The following CXCL9 variants were observed in gnomAD, a reference collection of about 807,000 sequenced individuals.
CXCL9 encodes C-X-C motif chemokine ligand 9.
Under a neutral mutation model 11.7 loss-of-function variants are expected in CXCL9, and 8 were observed. That is an observed-to-expected ratio of 0.68 (90% CI 0.40 to 1.23). The LOEUF is 1.23. CXCL9 is among the 50% of genes most tolerant of loss of function. The pLI, the probability that CXCL9 is intolerant of heterozygous loss-of-function variation, is 0.01. For missense variants in CXCL9, 133 were observed against 141.7 expected (o/e 0.94, Z 0.31); for synonymous variants, 43 against 48.2 (o/e 0.89, Z 0.45).
chr4:76,002,062 A>G lies in CXCL9; in HGVS notation c.*1536T>C, dbSNP rs1731478186. On this transcript the variant is annotated 3_prime_UTR_variant, in exon 4 of 4. Transcript: ENST00000264888. ...GTGTGGTAATTGATAATCACAATAC[A>G]AACTCTGAAACAAGTAAACGGACAA... 5.4e-6 allele frequency: 2 copies of G among 369,272 alleles called. No individual in the cohort carries two copies. The highest frequency in any genetic ancestry group is 7.7e-5 in the East Asian group (2 of 25,944). The allele number at this position is 369,272 out of a possible 1,614,324, so 22.9% of individuals were successfully genotyped here.
At position 76,003,727 on chromosome 4, in the gene CXCL9, T is replaced by A. The variant is rs753997520; in HGVS notation, c.277-28A>T. On this transcript the variant is annotated intron_variant, in intron 3 of 3. Coordinates refer to ENST00000264888, the MANE Select transcript of CXCL9 (RefSeq NM_002416.3). Reference sequence around the variant, plus strand: ...GTGAGAAGAAGGGGAAAAAGGGCAATGTTTCTGAATCTTACCATTTTTACT... The same window carrying A: ...GTGAGAAGAAGGGGAAAAAGGGCAAAGTTTCTGAATCTTACCATTTTTACT... 4.6e-6 allele frequency: 6 copies of A among 1,291,106 alleles called. No individual in the cohort carries two copies. In the Admixed American group the frequency reaches 6.9e-5, roughly 15 times the overall value. The allele number at this position is 1,291,106 out of a possible 1,614,324, so 80.0% of individuals were successfully genotyped here. A position where few individuals can be genotyped will look rare whatever the true frequency, so the allele number is the denominator to read the frequency against.
intron 1 of CXCL9, among the ~76,000 whole-genome samples, chr4:76,006,932 A>G (rs1731597750): frequency 6.6e-6 from 1 of 152,222 alleles, no homozygotes; most frequent in African/African-American, 2.4e-5. Flanking sequence ...GTATAACTAC[A>G]AAGTTCTATT....
chr4:76,007,320 G>T, intron 1 of CXCL9, 66 bp downstream of exon 1: 1 of 899,916 alleles, frequency 1.1e-6, no homozygotes, highest in Non-Finnish European at 1.9e-6. Flanking sequence ...CCTTTATCTG[G>T]CTAATCAAGA....
In CXCL9 at chr4:76,003,473, A is replaced by C; in HGVS notation, c.*125T>G. ...TAACTTTAGTTACAATTTCAGAGTA[A>C]TGTTTTAAATTTTCTAGTCAAATTA... On this transcript the variant is annotated 3_prime_UTR_variant, in exon 4 of 4. Transcript: ENST00000264888. The C allele has an allele frequency of 1.7e-6, 1 of 577,242 alleles. No homozygotes were observed. The highest frequency in any genetic ancestry group is 3.4e-5 in the Admixed American group (1 of 29,398). The allele number at this position is 577,242 out of a possible 1,614,324, so 35.8% of individuals were successfully genotyped here.
intron 2 of CXCL9, 177 bp from the exon 3 acceptor site, chr4:76,005,070 CAG>C: frequency 9.7e-7 from 1 of 1,026,226 alleles, no homozygotes; most frequent in Non-Finnish European, 1.3e-6. Context: ...TTTTTTGAGA[CAG>C]AATTTCGCTC....
In CXCL9 at chr4:76,001,666, A is replaced by G. The variant is rs1731467609; in HGVS notation, c.*1932T>C. 1 of 152,138 alleles carries G rather than the reference A, an allele frequency of 6.6e-6. No individual in the cohort carries two copies. Among genetic ancestry groups the G allele is most frequent in the South Asian group, 2.1e-4 (1 of 4,812 alleles). The allele number at this position is 152,138 out of a possible 1,614,324, so 9.4% of individuals were successfully genotyped here. ...TGTAGTCTTTGGTTGTTAGTTATAT[A>G]CTGTCTACCTGTGAGATGCAAGGTA... On this transcript the variant is annotated 3_prime_UTR_variant, in exon 4 of 4. Coordinates refer to ENST00000264888, the MANE Select transcript of CXCL9 (RefSeq NM_002416.3).
intron 2 of CXCL9, chr4:76,005,741 T>G (rs1266078584): frequency 1.3e-5 from 2 of 158,260 alleles, no homozygotes; most frequent in African/African-American, 4.8e-5. Context: ...TACAAAACAG[T>G]GTATAGTATA....
intron 2 of CXCL9, 56 bp from the exon 3 acceptor site, chr4:76,004,949 T>G: frequency 6.8e-7 from 1 of 1,474,804 alleles, no homozygotes; most frequent in African/African-American, 1.4e-5. Flanking sequence ...TAAATGCTTC[T>G]TCTCAGAAAT....
chr4:76,003,707 A>G lies in CXCL9; in HGVS notation c.277-8T>C. On this transcript the variant is annotated splice_polypyrimidine_tract_variant and splice_region_variant and intron_variant, in intron 3 of 3. Transcript: ENST00000264888. ...CTTTTTCTTTTGGCTGACCTGTGAGAAGAAGGGGAAAAAGGGCAATGTTTC... is the reference window on the plus strand; with the variant it reads ...CTTTTTCTTTTGGCTGACCTGTGAGGAGAAGGGGAAAAAGGGCAATGTTTC... 1 of 1,514,808 alleles carries G rather than the reference A, an allele frequency of 6.6e-7. No individual in the cohort carries two copies. The highest frequency in any genetic ancestry group is 9.1e-7 in the Non-Finnish European group (1 of 1,094,558). 93.8% of individuals were successfully genotyped at this position (1,514,808 alleles called of 1,614,324 possible). A position where few individuals can be genotyped will look rare whatever the true frequency, so the allele number is the denominator to read the frequency against.
intron 2 of CXCL9, chr4:76,005,943 CAT>C (rs1346144501): frequency 1.5e-5 from 7 of 460,736 alleles, no homozygotes; most frequent in African/African-American, 4.0e-5. Flanking sequence ...GTACAATAAA[CAT>C]GTGTCATTCT....
Position 76,001,530 on chromosome 4 carries a change from C to T in CXCL9, c.*2068G>A, listed in dbSNP as rs1731462934. The T allele has an allele frequency of 6.6e-6, 1 of 152,078 alleles. No individual in the cohort carries two copies. Among genetic ancestry groups the T allele is most frequent in the Non-Finnish European group, 1.5e-5 (1 of 68,024 alleles). The allele number at this position is 152,078 out of a possible 1,614,324, so 9.4% of individuals were successfully genotyped here. A position where few individuals can be genotyped will look rare whatever the true frequency, so the allele number is the denominator to read the frequency against. On this transcript the variant is annotated 3_prime_UTR_variant, in exon 4 of 4. Coordinates refer to ENST00000264888, the MANE Select transcript of CXCL9 (RefSeq NM_002416.3). The stretch of plus-strand genomic sequence containing the variant: ...TTAACAAAGAAAATATTTCAAATTA[C>T]AAGGTATACAAGTCAATACTGTTTT...
At chr4:76,007,295 C>A in intron 1 of CXCL9, 91 bp downstream of exon 1, 1 of 810,124 alleles carries the variant, frequency 1.2e-6, no homozygotes, top group Non-Finnish European at 2.2e-6. Flanking sequence ...CTCTTCAATG[C>A]AGGCAGAACA....
chr4:76,006,273 T>G lies in CXCL9; in HGVS notation c.66A>C (p.Gly22=). The G allele has an allele frequency of 6.2e-7, 1 of 1,613,220 alleles. No homozygotes were observed. Among genetic ancestry groups the G allele is most frequent in the Non-Finnish European group, 8.5e-7 (1 of 1,179,388 alleles). Residue 22 remains glycine (G), a splice_region_variant and synonymous_variant, in exon 2 of 4, where the codon GGA becomes GGC. Coordinates refer to ENST00000264888, the MANE Select transcript of CXCL9 (RefSeq NM_002416.3). ...IILLVLIGVQ[G]TPVVRKGRCS... ...AGCGACCCTTTCTCACTACTGGGGT[T>G]CCTGAGGGAAAGAAAAAGATAGAAC...
intron 1 of CXCL9, among the ~76,000 whole-genome samples, chr4:76,007,121 T>C (rs73825601): frequency 0.011 from 1,746 of 152,292 alleles, 37 homozygotes; most frequent in African/African-American, 0.039. Context: ...ATTTAGGAGA[T>C]AGAGTTCTCA....
At chr4:76,006,004 G>T in intron 2 of CXCL9, 144 bp downstream of exon 2, 1 of 665,468 alleles carries the variant, frequency 1.5e-6, no homozygotes, top group Non-Finnish European at 2.6e-6. Context: ...GAGAAGAAAA[G>T]AAAGGAGCTG....
Position 76,002,444 on chromosome 4 carries a change from C to T in CXCL9, c.*1154G>A, listed in dbSNP as rs1055268580. The T allele has an allele frequency of 7.5e-6, 3 of 398,138 alleles. No individual in the cohort carries two copies. Among genetic ancestry groups the T allele is most frequent in the African/African-American group, 6.2e-5 (3 of 48,584 alleles). 24.7% of individuals were successfully genotyped at this position (398,138 alleles called of 1,614,324 possible). A position where few individuals can be genotyped will look rare whatever the true frequency, so the allele number is the denominator to read the frequency against. On this transcript the variant is annotated 3_prime_UTR_variant, in exon 4 of 4. Transcript: ENST00000264888. The stretch of plus-strand genomic sequence containing the variant: ...CCTGAAGATAATAAGTAAGAGGTTA[C>T]CAGAGGCTAGCCAACATGGAGTAGC...
chr4:76,004,163 G>A (rs1463698207), intron 3 of CXCL9, among the ~76,000 whole-genome samples: 1 of 152,136 alleles, frequency 6.6e-6, no homozygotes, highest in Non-Finnish European at 1.5e-5. Flanking sequence ...ATGCCATGCA[G>A]GATTCCTCCC....
At chr4:76,003,749 T>C (rs1731525271) in intron 3 of CXCL9, 50 bp from the exon 4 acceptor site, 1 of 1,096,862 alleles carries the variant, frequency 9.1e-7, no homozygotes, top group Non-Finnish European at 1.4e-6. Flanking sequence ...TTACCATTTT[T>C]ACTTCCTTTT....
intron 2 of CXCL9, chr4:76,005,690 C>A (rs72607852): frequency 1.3e-5 from 2 of 152,002 alleles, no homozygotes; most frequent in African/African-American, 4.8e-5. Context: ...TTTACTGACA[C>A]GAGAAAATGT....
Sources: allele counts gnomAD v4.1 joint callset (sites outside exome capture counted in the v4.1 genomes callset), GRCh38; gene constraint gnomAD v4.1.1; transcripts MANE v1.5; gene names NCBI Gene and HGNC (gene_info 2026-07-23, HGNC 2026-07-21).